BNIP3: variants seen among roughly 807,000 people sequenced by gnomAD.
The protein encoded by BNIP3 is BCL2/adenovirus E1B 19 kDa protein-interacting protein 3.
Under a neutral mutation model 23.9 loss-of-function variants are expected in BNIP3, and 16 were observed. That is an observed-to-expected ratio of 0.67 (90% CI 0.45 to 1.01). The LOEUF is 1.01. Ranked by LOEUF, BNIP3 falls within the 50% of genes least tolerant of loss-of-function variation. BNIP3 has a pLI of 0.00. For missense variants in BNIP3, 198 were observed against 248.7 expected, an observed-to-expected ratio of 0.80 and a Z score of 1.37; for synonymous variants, 81 against 89.3, an observed-to-expected ratio of 0.91 and a Z score of 0.53.
In BNIP3 at chr10:131,970,007, C is replaced by A. The variant is rs766134509; in HGVS notation, c.539+631G>T. On this transcript the variant is annotated intron_variant, in intron 5 of 5. Transcript: ENST00000368636. This position sits in a 1 kb window ranked among gnomAD's most constrained non-coding sequence, Gnocchi z 4.1. ...CAGCCTGGGCAACGTGGCGAAGCCC[C>A]GTCTCTATTAAAAATACAAAAATTA... is the stretch of plus-strand genomic sequence containing the variant. 1 of 152,446 alleles carries A rather than the reference C, an allele frequency of 6.6e-6. No individual in the cohort carries two copies. Among genetic ancestry groups the A allele is most frequent in the Admixed American group, 6.5e-5 (1 of 15,284 alleles). The allele number at this position is 152,446 out of a possible 1,614,324, so 9.4% of individuals were successfully genotyped here.
chr10:131,977,700 A>C (rs955159419), intron 1 of BNIP3, among the ~76,000 whole-genome samples: 1 of 152,026 alleles, frequency 6.6e-6, no homozygotes, highest in Admixed American at 6.6e-5. Context: ...CTACCATCCC[A>C]CTGGCAACAT....
intron 1 of BNIP3, 41 bp downstream of exon 1, chr10:131,981,720 C>T (rs746723241): frequency 6.8e-7 from 1 of 1,462,434 alleles, no homozygotes. Flanking sequence ...AGGCTTCCCC[C>T]CCGCGCCCCC....
chr10:131,971,132 G>T, intron 3 of BNIP3, 162 bp from the exon 4 acceptor site: 1 of 668,422 alleles, frequency 1.5e-6, no homozygotes, highest in East Asian at 2.7e-5. Flanking sequence ...GGGGCTGGGG[G>T]CCTTCCCCGG....
chr10:131,981,587 C>T (rs1190289028), intron 1 of BNIP3, among the ~76,000 whole-genome samples, 174 bp downstream of exon 1: 2 of 152,218 alleles, frequency 1.3e-5, no homozygotes, highest in African/African-American at 2.4e-5. Flanking sequence ...CCCCACGCCC[C>T]GGGCTCCGCA....
chr10:131,979,697 G>A (rs1426185035), intron 1 of BNIP3, among the ~76,000 whole-genome samples: 3 of 152,126 alleles, frequency 2.0e-5, no homozygotes, highest in Non-Finnish European at 4.4e-5. Context: ...GGACAAATAC[G>A]AGCATCCTGC....
intron 2 of BNIP3, 158 bp from the exon 3 acceptor site, chr10:131,973,276 A>C: frequency 1.5e-6 from 1 of 680,364 alleles, no homozygotes; most frequent in Admixed American, 2.6e-5. Context: ...CCAGAGCCAA[A>C]CTCTTCCTCA....
chr10:131,974,507 C>A (rs2037065215), intron 1 of BNIP3, among the ~76,000 whole-genome samples: 1 of 152,214 alleles, frequency 6.6e-6, no homozygotes, highest in Non-Finnish European at 1.5e-5. Flanking sequence ...CTAGCTGACA[C>A]CTCCGGAATA....
At position 131,976,864 on chromosome 10, in the gene BNIP3, G is replaced by A. The variant is rs929912144; in HGVS notation, c.47-2921C>T. 1.3e-5 allele frequency among the ~76,000 whole-genome samples: 2 copies of A among 152,214 alleles called. No homozygotes were observed. The highest frequency in any genetic ancestry group is 4.8e-5 in the African/African-American group (2 of 41,458). ...TACACCAAAAATGGTTAACCAAGGA[G>A]CACTTTTGGAGTACACTGCTAATAG... On this transcript the variant is annotated intron_variant, in intron 1 of 5. Coordinates refer to ENST00000368636, the MANE Select transcript of BNIP3 (RefSeq NM_004052.4). This position sits in a 1 kb window ranked among gnomAD's most constrained non-coding sequence, Gnocchi z 4.3.
intron 2 of BNIP3, 178 bp downstream of exon 2, chr10:131,973,615 C>T: frequency 1.3e-6 from 1 of 773,546 alleles, no homozygotes. Flanking sequence ...GTCACTGCAT[C>T]CCCAAAGAGG....
At position 131,976,605 on chromosome 10, in the gene BNIP3, C is replaced by T. The variant is rs184351383; in HGVS notation, c.47-2662G>A. 1.2e-3 allele frequency among the ~76,000 whole-genome samples: 184 copies of T among 152,188 alleles called. No homozygotes were observed. Among genetic ancestry groups the T allele is most frequent in the African/African-American group, 3.9e-3 (162 of 41,516 alleles). ...AGCCCAGATCCCCACCTACCCCACA[C>T]GTCCCAACCCTAACCCCAACCACAC... On this transcript the variant is annotated intron_variant, in intron 1 of 5. Transcript: ENST00000368636. The surrounding 1 kb of genome is among the most constrained non-coding windows in gnomAD (Gnocchi z 4.3).
intron 3 of BNIP3, among the ~76,000 whole-genome samples, chr10:131,972,777 C>A (rs1212235701): frequency 6.6e-6 from 1 of 152,120 alleles, no homozygotes; most frequent in Non-Finnish European, 1.5e-5. Context: ...TGATGGCAGG[C>A]AGGGAGGGAC....
At chr10:131,974,394 T>C (rs1431357639) in intron 1 of BNIP3, among the ~76,000 whole-genome samples, 1 of 152,272 alleles carries the variant, frequency 6.6e-6, no homozygotes, top group Non-Finnish European at 1.5e-5. Flanking sequence ...GCTCTATTTT[T>C]TGTTTCTTTT....
chr10:131,972,889 T>C, intron 3 of BNIP3, 145 bp downstream of exon 3: 11 of 755,762 alleles, frequency 1.5e-5, no homozygotes, highest in Non-Finnish European at 2.3e-5. Flanking sequence ...CTTGGTTTTT[T>C]TGTTTCGCTT....
Position 131,981,635 on chromosome 10 carries a change from C to T in BNIP3, c.46+126G>A, listed in dbSNP as rs191189230. 3.4e-4 allele frequency: 409 copies of T among 1,188,966 alleles called. 2 individuals carry two copies. The African/African-American group carries it at 5.5e-3, about 16-fold the overall frequency. The allele number at this position is 1,188,966 out of a possible 1,614,324, so 73.7% of individuals were successfully genotyped here. ...GGGTGGGTACGGAAGGGGAGGATGG[C>T]GCAGCCTCGCCCGGCCCGCGATGCC... On this transcript the variant is annotated intron_variant, in intron 1 of 5. Transcript: ENST00000368636.
At position 131,976,066 on chromosome 10, in the gene BNIP3, G is replaced by A. The variant is rs1351075852; in HGVS notation, c.47-2123C>T. Among the ~76,000 whole-genome samples, 1 of 152,190 alleles carries A rather than the reference G, an allele frequency of 6.6e-6. No individual in the cohort carries two copies. Among genetic ancestry groups the A allele is most frequent in the Admixed American group, 6.5e-5 (1 of 15,280 alleles). On this transcript the variant is annotated intron_variant, in intron 1 of 5. Transcript: ENST00000368636. This position sits in a 1 kb window ranked among gnomAD's most constrained non-coding sequence, Gnocchi z 4.3. ...GTTCACTAGCCCTCCTTCCCTCTCT[G>A]CGGTTCAAGATGCCATGCGGCCGGC...
chr10:131,973,954 CA>C lies in BNIP3; in HGVS notation c.47-12del. ...GTTCTACCCAGGAGCCTGATGGGGACAAAAAAAGGGGCGCAGATGGAATTCT... is the reference window on the plus strand; with the variant it reads ...GTTCTACCCAGGAGCCTGATGGGGACAAAAAAGGGGCGCAGATGGAATTCT... On this transcript the variant is annotated splice_polypyrimidine_tract_variant and intron_variant, in intron 1 of 5. Transcript: ENST00000368636. 1.9e-6 allele frequency: 3 copies of C among 1,607,560 alleles called. No individual in the cohort carries two copies. Among genetic ancestry groups the C allele is most frequent in the Non-Finnish European group, 1.7e-6 (2 of 1,178,322 alleles).
In BNIP3 at chr10:131,970,464, G is replaced by A. The variant is rs961473814; in HGVS notation, c.539+174C>T. 34 of 941,810 alleles carry A rather than the reference G, an allele frequency of 3.6e-5. No homozygotes were observed. Among genetic ancestry groups the A allele is most frequent in the Middle Eastern group, 6.6e-4 (2 of 3,014 alleles). 58.3% of individuals were successfully genotyped at this position (941,810 alleles called of 1,614,324 possible). ...GGGCGCCTGTGCTGGGGCCTTTGGG[G>A]GCTGCAGGCTGGTGGTTTCTGGACC... On this transcript the variant is annotated intron_variant, in intron 5 of 5. Coordinates refer to ENST00000368636, the MANE Select transcript of BNIP3 (RefSeq NM_004052.4). This position sits in a 1 kb window ranked among gnomAD's most constrained non-coding sequence, Gnocchi z 4.1.
rs371922801 is a variant in BNIP3, at chr10:131,970,592, G to A, written c.539+46C>T. The stretch of plus-strand genomic sequence containing the variant: ...GAATAAATCACTGCAACCCAGAATC[G>A]CCCCACGACATGCCATGACAGGAGT... On this transcript the variant is annotated intron_variant, in intron 5 of 5. Coordinates refer to ENST00000368636, the MANE Select transcript of BNIP3 (RefSeq NM_004052.4). This position sits in a 1 kb window ranked among gnomAD's most constrained non-coding sequence, Gnocchi z 4.1. 79 of 1,596,936 alleles carry A rather than the reference G, an allele frequency of 4.9e-5. No individual in the cohort carries two copies. In the East Asian group the frequency reaches 6.3e-4, roughly 13 times the overall value.
chr10:131,974,086 A>C, intron 1 of BNIP3, 143 bp from the exon 2 acceptor site: 2 of 1,077,842 alleles, frequency 1.9e-6, no homozygotes, highest in Admixed American at 4.7e-5. Context: ...CCCGACTTGA[A>C]GACATCCCTC....
Sources: allele counts gnomAD v4.1 joint callset (sites outside exome capture counted in the v4.1 genomes callset), GRCh38; gene constraint gnomAD v4.1.1; non-coding constraint Gnocchi (gnomAD v3.1); transcripts MANE v1.5; gene names NCBI Gene and HGNC (gene_info 2026-07-23, HGNC 2026-07-21).